RERE: variants seen among roughly 807,000 people sequenced by gnomAD.
RERE encodes the protein arginine-glutamic acid dipeptide repeats protein.
In RERE, 40 loss-of-function variants were observed where a neutral mutation model predicts 146.1. That is an observed-to-expected ratio of 0.27 (90% CI 0.21 to 0.36). The LOEUF (loss-of-function observed/expected upper bound fraction) is 0.36. Among genes scored for constraint, RERE ranks in the 10% least tolerant of loss-of-function variants. The pLI is 1.00. For synonymous variants in RERE, 1,003 were observed against 866.0 expected (o/e 1.16, Z -2.78); for missense variants, 1,933 against 2,138.7 (o/e 0.90, Z 1.90).
At chr1:8,402,960 G>A (rs1273440105) in intron 12 of RERE, among the ~76,000 whole-genome samples, 3 of 151,952 alleles carry the variant, frequency 2.0e-5, no homozygotes, top group East Asian at 3.9e-4. Flanking sequence ...GTGCAGTGGC[G>A]CGATCTCAGC....
chr1:8,534,607 C>T (rs959886664), intron 7 of RERE, among the ~76,000 whole-genome samples: 1 of 151,944 alleles, frequency 6.6e-6, no homozygotes, highest in Non-Finnish European at 1.5e-5. Context: ...GACAATCTGA[C>T]CTCAAAATGA....
In RERE at chr1:8,354,691, T is replaced by C; in HGVS notation, c.*396A>G. 1 of 181,116 alleles carries C rather than the reference T, an allele frequency of 5.5e-6. No individual in the cohort carries two copies. Among genetic ancestry groups the C allele is most frequent in the Non-Finnish European group, 1.1e-5 (1 of 87,574 alleles). The allele number at this position is 181,116 out of a possible 1,614,324, so 11.2% of individuals were successfully genotyped here. On this transcript the variant is annotated 3_prime_UTR_variant, in exon 23 of 23. Coordinates refer to ENST00000400908, the MANE Select transcript of RERE (RefSeq NM_001042681.2). ...CTATGCCCCCGATCTGCAAGCCTCG[T>C]GGGCTCTGGAGCACTCGTGGCGGAG...
intron 4 of RERE, among the ~76,000 whole-genome samples, chr1:8,603,634 T>C (rs1036380320): frequency 2.6e-5 from 4 of 152,174 alleles, no homozygotes; most frequent in African/African-American, 9.7e-5. Flanking sequence ...ATACCTAATT[T>C]GTGTATTGGG....
intron 4 of RERE, 132 bp from the exon 5 acceptor site, chr1:8,557,655 CACA>C (rs1646023577): frequency 1.5e-6 from 1 of 665,970 alleles, no homozygotes; most frequent in Non-Finnish European, 2.7e-6. Flanking sequence ...CCATCAGGAC[CACA>C]ACAATACATA....
chr1:8,432,577 A>C (rs970770541), intron 11 of RERE, among the ~76,000 whole-genome samples: 8 of 152,240 alleles, frequency 5.3e-5, no homozygotes, highest in African/African-American at 1.9e-4. Flanking sequence ...GACTAGAATT[A>C]ATAAGCACTT....
intron 12 of RERE, among the ~76,000 whole-genome samples, chr1:8,405,253 A>G (rs965427705): frequency 6.6e-5 from 10 of 152,236 alleles, no homozygotes; most frequent in African/African-American, 2.2e-4. Context: ...CTTGAAATAA[A>G]TATTTCTAGG....
intron 10 of RERE, among the ~76,000 whole-genome samples, chr1:8,471,096 TG>T (rs1213257995): frequency 1.3e-5 from 2 of 151,736 alleles, no homozygotes; most frequent in African/African-American, 4.8e-5. Flanking sequence ...GGATTACAGG[TG>T]TCAGCCACAG....
At chr1:8,553,185 G>C (rs1383117739) in intron 6 of RERE, among the ~76,000 whole-genome samples, 1 of 151,864 alleles carries the variant, frequency 6.6e-6, no homozygotes, top group African/African-American at 2.4e-5. Context: ...CACACCACTA[G>C]GCCAGTGCGT....
At position 8,497,459 on chromosome 1, in the gene RERE, A is replaced by C; in HGVS notation, c.950T>G (p.Val317Gly). 1 of 1,614,134 alleles carries C rather than the reference A, an allele frequency of 6.2e-7. No homozygotes were observed. Among genetic ancestry groups the C allele is most frequent in the Non-Finnish European group, 8.5e-7 (1 of 1,179,996 alleles). Residue 317 changes from valine to glycine, a missense_variant, in exon 9 of 23, where the codon GTC becomes GGC. Val to Gly is a moderately radical substitution (Grantham distance 109). Coordinates refer to ENST00000400908, the MANE Select transcript of RERE (RefSeq NM_001042681.2). ...GDTVTQHEEL[V>G]WMPGVNDCDL... Reference sequence around the variant, plus strand: ...ACAGTCGTTAACTCCAGGCATCCAGACCAGTTCCTCATGTTGGGTCACTGT... The same window carrying C: ...ACAGTCGTTAACTCCAGGCATCCAGCCCAGTTCCTCATGTTGGGTCACTGT...
chr1:8,428,755 G>C (rs1016246404), intron 11 of RERE, among the ~76,000 whole-genome samples: 1 of 152,094 alleles, frequency 6.6e-6, no homozygotes, highest in African/African-American at 2.4e-5. Context: ...TGGCTGTTTA[G>C]ACCTAGCCAC....
chr1:8,813,647 C>T (rs574648726), intron 1 of RERE, among the ~76,000 whole-genome samples: 1 of 138,686 alleles, frequency 7.2e-6, no homozygotes, highest in African/African-American at 2.7e-5. Flanking sequence ...CAGAGTCTCG[C>T]TGTGTCACCC....
intron 2 of RERE, among the ~76,000 whole-genome samples, chr1:8,638,782 A>ATT (rs1557450012): frequency 1.0e-3 from 139 of 134,400 alleles, no homozygotes; most frequent in African/African-American, 3.8e-3. Context: ...GACGAAAAAA[A>ATT]ATTTTTTTTT....
At chr1:8,701,178 T>C (rs1222744593) in intron 1 of RERE, among the ~76,000 whole-genome samples, 1 of 152,070 alleles carries the variant, frequency 6.6e-6, no homozygotes, top group Non-Finnish European at 1.5e-5. Flanking sequence ...TCACTGAGCC[T>C]TACTGATACG....
chr1:8,581,764 G>C (rs372639753), intron 4 of RERE, among the ~76,000 whole-genome samples: 1 of 152,066 alleles, frequency 6.6e-6, no homozygotes, highest in African/African-American at 2.4e-5. Context: ...GAGATATAAA[G>C]CACATCTCAG....
At chr1:8,780,462 T>C (rs1226715289) in intron 1 of RERE, among the ~76,000 whole-genome samples, 1 of 152,188 alleles carries the variant, frequency 6.6e-6, no homozygotes, top group African/African-American at 2.4e-5. Flanking sequence ...CATTTTTAAC[T>C]CTAGGACCTC....
chr1:8,546,859 A>C (rs1222752375), intron 6 of RERE, among the ~76,000 whole-genome samples: 1 of 150,604 alleles, frequency 6.6e-6, no homozygotes, highest in Non-Finnish European at 1.5e-5. Flanking sequence ...AAAACAAAAA[A>C]AAAAAACAAA....
chr1:8,464,037 C>T (rs1644562501), intron 11 of RERE, among the ~76,000 whole-genome samples: 1 of 152,180 alleles, frequency 6.6e-6, no homozygotes. Flanking sequence ...AACAGGCTTA[C>T]AGTAAAAAAA....
intron 12 of RERE, among the ~76,000 whole-genome samples, chr1:8,383,909 A>G (rs1642544079): frequency 6.7e-6 from 1 of 149,170 alleles, no homozygotes; most frequent in South Asian, 2.1e-4. Flanking sequence ...ATGTATGCCA[A>G]ACTACAATGA....
intron 11 of RERE, among the ~76,000 whole-genome samples, chr1:8,431,305 A>T (rs139001626): frequency 6.6e-6 from 1 of 152,242 alleles, no homozygotes; most frequent in East Asian, 1.9e-4. Context: ...TTTTCATAGG[A>T]CCACGAATCC....
Sources: gnomAD v4.1 joint callset for allele counts (sites outside exome capture counted in the v4.1 genomes callset) on GRCh38, gnomAD v4.1.1 for gene constraint, MANE v1.5 for transcripts, NCBI Gene and HGNC (gene_info 2026-07-23, HGNC 2026-07-21) for gene names.